Variants in FRAS1 observed in about 807,000 individuals in gnomAD.
FRAS1 encodes the protein Fraser extracellular matrix complex subunit 1.
In FRAS1, 290 loss-of-function variants were observed where a neutral mutation model predicts 435.2. The observed-to-expected ratio is 0.67, with a 90% confidence interval of 0.61 to 0.73. The LOEUF is 0.73. Among genes scored for constraint, FRAS1 ranks in the 30% least tolerant of loss-of-function variants. The pLI, the probability that FRAS1 is intolerant of heterozygous loss-of-function variation, is 0.00. For missense variants in FRAS1, 4,860 were observed against 5,001.5 expected, an observed-to-expected ratio of 0.97 and a Z score of 0.85; for synonymous variants, 1,800 against 1,851.0, an observed-to-expected ratio of 0.97 and a Z score of 0.71.
chr4:78,535,768 C>T (rs1721861509), intron 71 of FRAS1, among the ~76,000 whole-genome samples: 1 of 152,186 alleles, frequency 6.6e-6, no homozygotes, highest in Non-Finnish European at 1.5e-5. Flanking sequence ...GTTTCTAAGG[C>T]CCAAGTGTGT....
At chr4:78,347,370 C>T (rs1262966275) in intron 20 of FRAS1, among the ~76,000 whole-genome samples, 2 of 152,196 alleles carry the variant, frequency 1.3e-5, no homozygotes, top group African/African-American at 4.8e-5. Flanking sequence ...CCTAGTCCTT[C>T]CCAAGACGAG....
chr4:78,264,176 A>G (rs1726243285), intron 6 of FRAS1, among the ~76,000 whole-genome samples: 1 of 152,216 alleles, frequency 6.6e-6, no homozygotes, highest in South Asian at 2.1e-4. Context: ...GGCTGTAGTG[A>G]TAAGTCAAAG....
At chr4:78,283,107 T>A in intron 12 of FRAS1, 140 bp downstream of exon 12, 1 of 618,836 alleles carries the variant, frequency 1.6e-6, no homozygotes, top group Non-Finnish European at 2.5e-6. Context: ...ATAATTTTTC[T>A]AACAAATGAT....
chr4:78,178,689 T>G (rs1721875813), intron 2 of FRAS1, among the ~76,000 whole-genome samples: 1 of 152,192 alleles, frequency 6.6e-6, no homozygotes, highest in African/African-American at 2.4e-5. Context: ...AGAGCCCTTG[T>G]GCTGGACATT....
chr4:78,134,017 T>G (rs576201890), intron 2 of FRAS1, among the ~76,000 whole-genome samples: 34 of 150,242 alleles, frequency 2.3e-4, no homozygotes, highest in African/African-American at 8.4e-4. Context: ...TGGTGTGCAG[T>G]GGCCTGATCT....
At chr4:78,428,614 T>C (rs527482464) in intron 35 of FRAS1, among the ~76,000 whole-genome samples, 120 of 152,148 alleles carry the variant, frequency 7.9e-4, no homozygotes, top group African/African-American at 2.7e-3. Context: ...TGAGCCACTG[T>C]GCCCGGCCAA....
intron 2 of FRAS1, among the ~76,000 whole-genome samples, chr4:78,113,192 A>G (rs1195218852): frequency 1.1e-4 from 16 of 152,098 alleles, no homozygotes; most frequent in Admixed American, 5.2e-4. Flanking sequence ...ATTCCATGGT[A>G]TATATATTCC....
At chr4:78,418,899 C>G (rs1176942031) in intron 32 of FRAS1, 50 bp from the exon 33 acceptor site, 1 of 1,154,282 alleles carries the variant, frequency 8.7e-7, no homozygotes, top group Admixed American at 2.2e-5. Context: ...TTGCCTCTGG[C>G]TTTTGTTTTT....
intron 2 of FRAS1, among the ~76,000 whole-genome samples, chr4:78,226,320 T>C (rs1476674728): frequency 6.6e-6 from 1 of 152,164 alleles, no homozygotes; most frequent in East Asian, 1.9e-4. Context: ...TGTGTTTCTA[T>C]TTAGAGTCAT....
chr4:78,110,370 C>A lies in FRAS1; in HGVS notation c.108+44354C>A, dbSNP rs1404555460. On this transcript the variant is annotated intron_variant, in intron 2 of 73. Coordinates refer to ENST00000512123, the MANE Select transcript of FRAS1 (RefSeq NM_025074.7). ...AAACTATAATACAAGGCTACAGTAA[C>A]CAAAACAGCATGGTACTGGTACCAA... 1.5e-4 allele frequency among the ~76,000 whole-genome samples: 19 copies of A among 127,718 alleles called. 4 individuals carry two copies. The highest frequency in any genetic ancestry group is 2.6e-4 in the Non-Finnish European group (16 of 61,076). The allele number at this position is 127,718 out of a possible 152,430, so 83.8% of individuals were successfully genotyped here.
intron 20 of FRAS1, among the ~76,000 whole-genome samples, chr4:78,346,879 C>A (rs1362467916): frequency 1.3e-5 from 2 of 152,146 alleles, no homozygotes; most frequent in African/African-American, 4.8e-5. Context: ...CTTCTGCTTA[C>A]AGATTCATCT....
intron 28 of FRAS1, 135 bp downstream of exon 28, chr4:78,384,278 C>A: frequency 1.5e-6 from 1 of 670,318 alleles, no homozygotes; most frequent in Non-Finnish European, 2.5e-6. Context: ...TGAGATGCCA[C>A]TGGAGTAATT....
intron 2 of FRAS1, among the ~76,000 whole-genome samples, chr4:78,091,625 G>GTA: frequency 6.8e-6 from 1 of 147,546 alleles, no homozygotes; most frequent in East Asian, 1.9e-4. Flanking sequence ...ACGTGTGTTT[G>GTA]TGTGTGTGTG....
intron 2 of FRAS1, among the ~76,000 whole-genome samples, chr4:78,121,873 G>A (rs1419638898): frequency 6.6e-6 from 1 of 152,110 alleles, no homozygotes; most frequent in Admixed American, 6.5e-5. Flanking sequence ...TAAATCTTGG[G>A]ATGCCCAAAG....
chr4:78,250,432 A>C (rs905474692), intron 4 of FRAS1, among the ~76,000 whole-genome samples: 7 of 152,196 alleles, frequency 4.6e-5, no homozygotes. Context: ...TGTAGCTTCC[A>C]ATTTTCACTA....
At position 78,308,126 on chromosome 4, in the gene FRAS1, G is replaced by A. The variant is rs774543368; in HGVS notation, c.1595G>A (p.Arg532Lys). The change falls in exon 15 of 74, where the codon AGA (arginine) becomes AAA (lysine). Residue 532 changes from arginine to lysine, a missense_variant. Arg to Lys is a conservative substitution (Grantham distance 26, BLOSUM62 2). Transcript: ENST00000512123. ...ACGGAGAAGCACTGCTTGGCCTGCA[G>A]AGATCCCCTCCACGTGCTGAGAGAT... is the stretch of plus-strand genomic sequence containing the variant. The part of the protein sequence containing the change: ...GPTEKHCLAC[R>K]DPLHVLRDGG... 1 of 1,613,950 alleles carries A rather than the reference G, an allele frequency of 6.2e-7. No individual in the cohort carries two copies. The highest frequency in any genetic ancestry group is 8.5e-7 in the Non-Finnish European group (1 of 1,179,858).
At chr4:78,190,613 CCCCTT>C (rs1722491435) in intron 2 of FRAS1, among the ~76,000 whole-genome samples, 1 of 150,808 alleles carries the variant, frequency 6.6e-6, no homozygotes, top group Admixed American at 6.6e-5. Context: ...CCCCACCACA[CCCCTT>C]CCCTTCCCTT....
At chr4:78,476,260 G>A (rs531571410) in intron 54 of FRAS1, among the ~76,000 whole-genome samples, 1 of 152,232 alleles carries the variant, frequency 6.6e-6, no homozygotes, top group African/African-American at 2.4e-5. Flanking sequence ...GTATAGATGG[G>A]CAGGCAGTGC....
chr4:78,267,322 G>T lies in FRAS1; in HGVS notation c.871G>T (p.Val291Leu), dbSNP rs757174847. The T allele has an allele frequency of 1.4e-5, 22 of 1,613,768 alleles. No homozygotes were observed. The highest frequency in any genetic ancestry group is 1.4e-5 in the Non-Finnish European group (16 of 1,179,862). ...CGGGAGCTGCTCCTATGATGGAGTT[G>T]TGCGGTACCAGGACGAAATGTGGAA... ...PAGSCSYDGV[V>L]RYQDEMWKGS... The change falls in exon 9 of 74, where the codon GTG becomes TTG. Residue 291 changes from valine (V) to leucine (L), a missense_variant. Val to Leu is a conservative substitution (Grantham distance 32). Coordinates refer to ENST00000512123, the MANE Select transcript of FRAS1 (RefSeq NM_025074.7).
Sources: gnomAD v4.1 joint callset for allele counts (sites outside exome capture counted in the v4.1 genomes callset) on GRCh38, gnomAD v4.1.1 for gene constraint, MANE v1.5 for transcripts, NCBI Gene and HGNC (gene_info 2026-07-23, HGNC 2026-07-21) for gene names.